SP140L: variants seen among roughly 807,000 people sequenced by gnomAD.
The protein encoded by SP140L is SP140 like nuclear body protein, also known as nuclear body protein SP140-like protein.
SP140L carries 64 observed loss-of-function variants against 84.3 expected under a neutral mutation model. That is an observed-to-expected ratio of 0.76 (90% confidence interval 0.62 to 0.94). The LOEUF is 0.94. Among genes scored for constraint, SP140L ranks in the 40% least tolerant of loss-of-function variants. SP140L has a pLI of 0.00. For missense variants in SP140L, 628 were observed against 692.5 expected, an observed-to-expected ratio of 0.91 and a Z score of 1.05; for synonymous variants, 242 against 236.9, an observed-to-expected ratio of 1.02 and a Z score of -0.20.
intron 10 of SP140L, among the ~76,000 whole-genome samples, chr2:230,389,487 C>A (rs528384236): frequency 1.3e-4 from 20 of 152,174 alleles, no homozygotes; most frequent in Admixed American, 2.6e-4. Flanking sequence ...TCATCATTAG[C>A]CTCTCCCTCC....
At position 230,403,321 on chromosome 2, in the gene SP140L, AGCCTCCCAAGT is replaced by A. The variant is rs1559469578; in HGVS notation, c.*426_*436del. 1 of 158,440 alleles carries A rather than the reference AGCCTCCCAAGT, an allele frequency of 6.3e-6. No individual in the cohort carries two copies. The highest frequency in any genetic ancestry group is 1.4e-5 in the Non-Finnish European group (1 of 72,800). 9.8% of individuals were successfully genotyped at this position (158,440 alleles called of 1,614,324 possible). The stretch of plus-strand genomic sequence containing the variant: ...CGGATTCAAGTGATTCTCCTGTCTC[AGCCTCCCAAGT>A]AGCTGGGATTACAGTGCCTGCCACC... On this transcript the variant is annotated 3_prime_UTR_variant, in exon 19 of 19. Coordinates refer to ENST00000415673, the MANE Select transcript of SP140L (RefSeq NM_138402.6).
chr2:230,365,200 A>AT (rs574116955), intron 5 of SP140L, among the ~76,000 whole-genome samples: 26 of 152,042 alleles, frequency 1.7e-4, no homozygotes, highest in Non-Finnish European at 2.9e-4. Flanking sequence ...CCCTTATTCA[A>AT]TTTTTTAGAC....
rs569929007 is a variant in SP140L at position 230,348,347 on chromosome 2, T to C, written c.108-9458T>C. Among the ~76,000 whole-genome samples, 8 of 152,376 alleles carry C rather than the reference T, an allele frequency of 5.3e-5. No individual in the cohort carries two copies. In the East Asian group the frequency reaches 1.5e-3, roughly 29 times the overall value. The stretch of plus-strand genomic sequence containing the variant: ...ACACTGTTTCCAGAAGACCATTTCA[T>C]AGCAATGTGTAAGGGTTCCAGTTTT... On this transcript the variant is annotated intron_variant, in intron 2 of 18. Coordinates refer to ENST00000415673, the MANE Select transcript of SP140L (RefSeq NM_138402.6).
At chr2:230,393,593 T>C (rs1271864831) in intron 13 of SP140L, 132 bp downstream of exon 13, 1 of 1,108,532 alleles carries the variant, frequency 9.0e-7, no homozygotes, top group Non-Finnish European at 1.2e-6. Context: ...CACATATAAA[T>C]TTTTTTAATA....
intron 2 of SP140L, among the ~76,000 whole-genome samples, chr2:230,343,143 A>AC (rs1242974372): frequency 1.7e-5 from 2 of 117,942 alleles, no homozygotes; most frequent in Admixed American, 8.5e-5. Flanking sequence ...GGTTTGTTAC[A>AC]TAGGTAAACA....
chr2:230,344,243 T>C (rs76195562), intron 2 of SP140L, among the ~76,000 whole-genome samples: 14,079 of 152,246 alleles, frequency 0.092, 827 homozygotes, highest in Middle Eastern at 0.15. Flanking sequence ...GCTCTTCTTG[T>C]TGAATTGAAC....
chr2:230,334,976 G>T (rs917012156), intron 2 of SP140L, among the ~76,000 whole-genome samples: 1 of 151,954 alleles, frequency 6.6e-6, no homozygotes, highest in African/African-American at 2.4e-5. Flanking sequence ...TTGGTAGAAA[G>T]TTGTATCGAA....
chr2:230,327,312 A>G lies in SP140L; in HGVS notation c.32+11A>G, dbSNP rs374094753. ...CGACCTGAGCACCAGGTGAGTCTTT[A>G]TCTCTCTTCCTTTCACCTTTATCTC... On this transcript the variant is annotated intron_variant, in intron 1 of 18. Transcript: ENST00000415673. 9.3e-6 allele frequency: 15 copies of G among 1,609,762 alleles called. No individual in the cohort carries two copies. The highest frequency in any genetic ancestry group is 1.0e-5 in the Non-Finnish European group (12 of 1,178,050).
At chr2:230,381,381 C>A (rs1002111998) in intron 7 of SP140L, among the ~76,000 whole-genome samples, 2 of 152,148 alleles carry the variant, frequency 1.3e-5, no homozygotes, top group Non-Finnish European at 2.9e-5. Context: ...GCTATTCTGA[C>A]ATCCTTGAAG....
intron 2 of SP140L, among the ~76,000 whole-genome samples, chr2:230,332,133 G>A (rs182474295): frequency 6.6e-6 from 1 of 152,156 alleles, no homozygotes; most frequent in East Asian, 1.9e-4. Flanking sequence ...GGTTTACTAA[G>A]TTATTTCTTT....
chr2:230,368,194 C>T (rs552648088), intron 5 of SP140L, among the ~76,000 whole-genome samples: 1 of 152,216 alleles, frequency 6.6e-6, no homozygotes, highest in East Asian at 1.9e-4. Flanking sequence ...TTTTGTTTGC[C>T]TAGGAAAGTC....
chr2:230,354,902 G>GA (rs1559420421), intron 2 of SP140L, among the ~76,000 whole-genome samples: 1 of 103,512 alleles, frequency 9.7e-6, no homozygotes. Context: ...AGAAAGGAAA[G>GA]AGAAAGAAGA....
chr2:230,342,338 G>A (rs762226203), intron 2 of SP140L, among the ~76,000 whole-genome samples: 2 of 152,328 alleles, frequency 1.3e-5, no homozygotes, highest in Admixed American at 6.5e-5. Context: ...GCAATGCCTC[G>A]CCCTGCTTCC....
At chr2:230,370,064 A>G (rs7588461) in intron 5 of SP140L, among the ~76,000 whole-genome samples, 52,604 of 151,790 alleles carry the variant, frequency 0.35, 10,873 homozygotes, top group East Asian at 0.57. Context: ...GAGCCACCGC[A>G]CCCTGCCACT....
chr2:230,387,914 C>T (rs377385282), intron 9 of SP140L, among the ~76,000 whole-genome samples: 1 of 152,104 alleles, frequency 6.6e-6, no homozygotes, highest in Admixed American at 6.6e-5. Context: ...GCCATGTGAA[C>T]GAAGCCCTGG....
chr2:230,390,232 G>T (rs1575535437), intron 11 of SP140L, among the ~76,000 whole-genome samples: 1 of 152,064 alleles, frequency 6.6e-6, no homozygotes, highest in Non-Finnish European at 1.5e-5. Flanking sequence ...GTGTCCAGGG[G>T]GTACCCAAAG....
chr2:230,362,038 C>CTT (rs1465331421), intron 5 of SP140L, among the ~76,000 whole-genome samples: 2 of 152,114 alleles, frequency 1.3e-5, no homozygotes, highest in Non-Finnish European at 2.9e-5. Context: ...GAACCACAGC[C>CTT]CATGGCCCAT....
chr2:230,370,637 T>C (rs2061033747), intron 5 of SP140L, among the ~76,000 whole-genome samples: 1 of 151,874 alleles, frequency 6.6e-6, no homozygotes, highest in African/African-American at 2.4e-5. Flanking sequence ...CAAGTAATTA[T>C]GACTTAAAAA....
At chr2:230,399,931 C>T (rs1193606801) in intron 14 of SP140L, 196 bp from the exon 15 acceptor site, 7 of 504,332 alleles carry the variant, frequency 1.4e-5, no homozygotes, top group Admixed American at 9.8e-5. Context: ...TGACATATAC[C>T]CCTTCCTCCT....
Sources: gnomAD v4.1 joint callset for allele counts (sites outside exome capture counted in the v4.1 genomes callset) on GRCh38, gnomAD v4.1.1 for gene constraint, MANE v1.5 for transcripts, NCBI Gene and HGNC (gene_info 2026-07-23, HGNC 2026-07-21) for gene names.